The following ZNF532 variants were observed in gnomAD, a reference collection of about 807,000 sequenced individuals.
ZNF532 encodes zinc finger protein 532.
A neutral mutation model predicts 89.3 loss-of-function variants in ZNF532; 22 were observed. The ratio of observed to expected loss-of-function variants is 0.25; its 90% CI spans 0.18 to 0.35. The LOEUF is 0.35. ZNF532 is among the 10% of genes least tolerant of loss of function. The pLI, the probability that ZNF532 is intolerant of heterozygous loss-of-function variation, is 1.00. For missense variants in ZNF532, 1,132 were observed against 1,643.4 expected (o/e 0.69, Z 5.38); for synonymous variants, 606 against 649.6 (o/e 0.93, Z 1.02).
intron 9 of ZNF532, among the ~76,000 whole-genome samples, chr18:58,982,628 C>A (rs867659552): frequency 2.0e-5 from 3 of 151,764 alleles, no homozygotes; most frequent in Non-Finnish European, 2.9e-5. Context: ...TCTCCACCCC[C>A]CCAAAAAAAG....
chr18:58,896,615 TTA>T lies in ZNF532; in HGVS notation c.-17-21654_-17-21653del, dbSNP rs2145529040. On this transcript the variant is annotated intron_variant, in intron 2 of 9. Transcript: ENST00000591808. ...TCCATCCGCCCACTCAGCTATCTGT[TTA>T]TCAAGGTATAACAATACAGCTTTTT... is the stretch of plus-strand genomic sequence containing the variant. The T allele has an allele frequency of 2.0e-5, 3 of 153,104 alleles. No homozygotes were observed. In the South Asian group the frequency reaches 6.2e-4, roughly 32 times the overall value. 9.5% of individuals were successfully genotyped at this position (153,104 alleles called of 1,614,324 possible).
At chr18:58,939,259 A>C (rs1193236530) in intron 4 of ZNF532, among the ~76,000 whole-genome samples, 186 bp from the exon 5 acceptor site, 1 of 148,474 alleles carries the variant, frequency 6.7e-6, no homozygotes, top group Non-Finnish European at 1.5e-5. Context: ...AAAAAAAAAA[A>C]AAAAAAAAAA....
At chr18:58,894,382 G>A (rs1340576073) in intron 2 of ZNF532, among the ~76,000 whole-genome samples, 3 of 150,896 alleles carry the variant, frequency 2.0e-5, no homozygotes, top group Non-Finnish European at 4.4e-5. Flanking sequence ...CAGGAGAATC[G>A]CTTGAACCTG....
chr18:58,958,453 A>G (rs1481044902), intron 7 of ZNF532, among the ~76,000 whole-genome samples: 1 of 152,230 alleles, frequency 6.6e-6, no homozygotes, highest in East Asian at 1.9e-4. Flanking sequence ...CTTATGTATT[A>G]TCTAATTTTT....
intron 3 of ZNF532, among the ~76,000 whole-genome samples, chr18:58,923,303 C>T (rs567758456): frequency 6.6e-6 from 1 of 151,144 alleles, no homozygotes; most frequent in African/African-American, 2.4e-5. Context: ...TCCTCCTGTT[C>T]CTCGTCTCCC....
chr18:58,934,402 C>A (rs1198340795), intron 3 of ZNF532, 31 bp from the exon 4 acceptor site: 4 of 1,603,912 alleles, frequency 2.5e-6, no homozygotes, highest in Non-Finnish European at 1.7e-6. Flanking sequence ...CTTAGTAGGA[C>A]CAACCCTGTT....
At position 58,920,108 on chromosome 18, in the gene ZNF532, A is replaced by G; in HGVS notation, c.1821A>G (p.Ala607=). Residue 607 remains alanine (A), a synonymous_variant, in exon 3 of 10, where the codon GCA becomes GCG. Coordinates refer to ENST00000591808, the MANE Select transcript of ZNF532 (RefSeq NM_001375912.1). ...YIPNLSPPAN[A]GITLPTRGYK... ...CAAACCTCAGTCCTCCCGCCAATGCAGGGATCACGTTACCGACGCGTGGGT... is the reference window on the plus strand; with the variant it reads ...CAAACCTCAGTCCTCCCGCCAATGCGGGGATCACGTTACCGACGCGTGGGT... 1.2e-6 allele frequency: 2 copies of G among 1,613,972 alleles called. No individual in the cohort carries two copies. The highest frequency in any genetic ancestry group is 1.7e-6 in the Non-Finnish European group (2 of 1,179,854).
At position 58,981,692 on chromosome 18, in the gene ZNF532, A is replaced by C. The variant is rs572263418; in HGVS notation, c.3411+75A>C. The C allele has an allele frequency of 7.0e-6, 11 of 1,573,098 alleles. No homozygotes were observed. In the African/African-American group the frequency reaches 8.2e-5, roughly 12 times the overall value. On this transcript the variant is annotated intron_variant, in intron 9 of 9. Coordinates refer to ENST00000591808, the MANE Select transcript of ZNF532 (RefSeq NM_001375912.1). ...TTTCCCATTCATTTTTTTCCTTTCAAGTTTTTGTTGCATAGTTACAGTTTT... is the reference window on the plus strand; with the variant it reads ...TTTCCCATTCATTTTTTTCCTTTCACGTTTTTGTTGCATAGTTACAGTTTT...
chr18:58,934,694 A>G, intron 4 of ZNF532, 80 bp downstream of exon 4: 2 of 1,408,364 alleles, frequency 1.4e-6, no homozygotes, highest in Non-Finnish European at 9.7e-7. Flanking sequence ...TTGCACACAC[A>G]GTTTTCTGGG....
At chr18:58,938,734 A>T (rs1444387644) in intron 4 of ZNF532, among the ~76,000 whole-genome samples, 1 of 152,158 alleles carries the variant, frequency 6.6e-6, no homozygotes, top group Non-Finnish European at 1.5e-5. Context: ...TGTTCTTGGC[A>T]TGCAGGTTTA....
At chr18:58,979,478 C>G (rs370647056) in intron 8 of ZNF532, 2 of 166,938 alleles carry the variant, frequency 1.2e-5, no homozygotes. Context: ...ACCTCTGCCT[C>G]CCAGGTTCAA....
chr18:58,888,828 T>TTA (rs1346597469), intron 2 of ZNF532, among the ~76,000 whole-genome samples: 990 of 45,612 alleles, frequency 0.022, 85 homozygotes, highest in East Asian at 0.19. Flanking sequence ...TATATATAAA[T>TTA]TATATATATA....
Position 58,869,320 on chromosome 18 carries a change from G to A in ZNF532, c.-18+3741G>A, listed in dbSNP as rs565744907. Reference sequence around the variant, plus strand: ...CATTGTCTGAAGACACACGAGAGATGATCATGATAATAGAACACTCTCTAA... The same window carrying A: ...CATTGTCTGAAGACACACGAGAGATAATCATGATAATAGAACACTCTCTAA... On this transcript the variant is annotated intron_variant, in intron 2 of 9. Transcript: ENST00000591808. 3.3e-5 allele frequency among the ~76,000 whole-genome samples: 5 copies of A among 152,304 alleles called. No homozygotes were observed. The South Asian group carries it at 8.3e-4, about 25-fold the overall frequency.
chr18:58,909,813 A>G (rs980326200), intron 2 of ZNF532, among the ~76,000 whole-genome samples: 1 of 152,206 alleles, frequency 6.6e-6, no homozygotes, highest in African/African-American at 2.4e-5. Context: ...GGGAGGCGCT[A>G]TGGCCACCTC....
chr18:58,944,978 C>T (rs778198651), intron 5 of ZNF532, among the ~76,000 whole-genome samples: 3 of 152,176 alleles, frequency 2.0e-5, no homozygotes, highest in African/African-American at 4.8e-5. Context: ...AAGTAACCTC[C>T]GTGCAGCCCC....
At chr18:58,933,149 A>G (rs544725894) in intron 3 of ZNF532, among the ~76,000 whole-genome samples, 1 of 152,212 alleles carries the variant, frequency 6.6e-6, no homozygotes, top group South Asian at 2.1e-4. Context: ...GGCTTGTTCT[A>G]ACCTTTGAAA....
intron 2 of ZNF532, among the ~76,000 whole-genome samples, chr18:58,908,314 C>T (rs981005891): frequency 6.6e-6 from 1 of 152,194 alleles, no homozygotes; most frequent in Admixed American, 6.5e-5. Flanking sequence ...ATGTTAAATG[C>T]TCTTTTTCTT....
chr18:58,931,797 G>C (rs2061986955), intron 3 of ZNF532: 1 of 151,950 alleles, frequency 6.6e-6, no homozygotes, highest in Admixed American at 6.6e-5. Context: ...AACATTGGCT[G>C]AGTGTGGTGG....
intron 2 of ZNF532, chr18:58,916,722 C>T: frequency 1.0e-6 from 1 of 985,318 alleles, no homozygotes; most frequent in Non-Finnish European, 1.2e-6. Context: ...GGATGTGTCC[C>T]CAGAGTGAGT....
Sources: gnomAD v4.1 joint callset for allele counts (sites outside exome capture counted in the v4.1 genomes callset) on GRCh38, gnomAD v4.1.1 for gene constraint, MANE v1.5 for transcripts, NCBI Gene and HGNC (gene_info 2026-07-23, HGNC 2026-07-21) for gene names.